IGSF11: variants seen among roughly 807,000 people sequenced by gnomAD.
The protein encoded by IGSF11 is immunoglobulin superfamily member 11.
Under a neutral mutation model 41.0 loss-of-function variants are expected in IGSF11, and 22 were observed. The observed-to-expected ratio is 0.54, with a 90% CI of 0.38 to 0.77. The LOEUF is 0.77. IGSF11 is among the 30% of genes least tolerant of loss of function. IGSF11 has a pLI of 0.00. For synonymous variants in IGSF11, 219 were observed against 201.3 expected, an observed-to-expected ratio of 1.09 and a Z score of -0.74; for missense variants, 444 against 530.8, an observed-to-expected ratio of 0.84 and a Z score of 1.61.
At position 119,034,748 on chromosome 3, in the gene IGSF11, C is replaced by G; in HGVS notation, c.-166G>C. 1.5e-6 allele frequency: 2 copies of G among 1,327,172 alleles called. No homozygotes were observed. Among genetic ancestry groups the G allele is most frequent in the Middle Eastern group, 2.9e-4 (1 of 3,464 alleles). 82.2% of individuals were successfully genotyped at this position (1,327,172 alleles called of 1,614,324 possible). Reference sequence around the variant, plus strand: ...GGGACTGTCAGACCCACAGACGAGCCAAGTGCAGCTGCAGCGCCGCCCGGC... The same window carrying G: ...GGGACTGTCAGACCCACAGACGAGCGAAGTGCAGCTGCAGCGCCGCCCGGC... On this transcript the variant is annotated 5_prime_UTR_variant, in exon 1 of 7. Transcript: ENST00000393775.
In IGSF11 at chr3:119,119,060, T is replaced by C. The variant is rs1016503145; in HGVS notation, c.-13-13855A>G. Among the ~76,000 whole-genome samples, 3 of 152,192 alleles carry C rather than the reference T, an allele frequency of 2.0e-5. No individual in the cohort carries two copies. In the East Asian group the frequency reaches 5.8e-4, roughly 29 times the overall value. ...AAAGATTCCAAACTTTCCCACATTTTCCTGTCTTCTTCTGAGCCCTCCAAA... is the reference window on the plus strand; with the variant it reads ...AAAGATTCCAAACTTTCCCACATTTCCCTGTCTTCTTCTGAGCCCTCCAAA... On this transcript the variant is annotated intron_variant, in intron 1 of 7. Transcript: ENST00000425327.
Position 119,056,287 on chromosome 3 carries a change from G to C in IGSF11, c.49+48857C>G, listed in dbSNP as rs910572601. Among the ~76,000 whole-genome samples the C allele has an allele frequency of 3.3e-5, 5 of 152,234 alleles. No homozygotes were observed. The East Asian group carries it at 9.7e-4, about 29-fold the overall frequency. On this transcript the variant is annotated intron_variant, in intron 1 of 6. Transcript: ENST00000354673. ...GACGCAATAAAAAAATGATAAAGGGGATATCACCATCGATTACACAGAAAT... is the reference window on the plus strand; with the variant it reads ...GACGCAATAAAAAAATGATAAAGGGCATATCACCATCGATTACACAGAAAT...
rs908886506 is a variant in IGSF11, at chr3:119,113,091, C to T, written c.-13-7886G>A. Among the ~76,000 whole-genome samples the T allele has an allele frequency of 5.3e-5, 8 of 152,306 alleles. 1 individual carries two copies. The highest frequency in any genetic ancestry group is 3.9e-4 in the East Asian group (2 of 5,174). On this transcript the variant is annotated intron_variant, in intron 1 of 7. Coordinates refer to the IGSF11 transcript ENST00000425327. ...AACAGCAAGAGAGAAGTCTGCCCCA[C>T]GATCCAATTACATCCCACCAGGCAC...
chr3:118,905,763 A>G, intron 4 of IGSF11, 45 bp from the exon 5 acceptor site: 1 of 1,607,486 alleles, frequency 6.2e-7, no homozygotes, highest in South Asian at 1.1e-5. Flanking sequence ...CGGGACTAAT[A>G]GCAAAACCAA....
chr3:119,119,261 A>G (rs1234532829), intron 1 of IGSF11, among the ~76,000 whole-genome samples: 1 of 152,212 alleles, frequency 6.6e-6, no homozygotes, highest in East Asian at 1.9e-4. Flanking sequence ...TAAGGGACTT[A>G]AACTTCCACA....
intron 1 of IGSF11, among the ~76,000 whole-genome samples, chr3:119,066,911 C>T (rs1258079669): frequency 6.6e-6 from 1 of 152,144 alleles, no homozygotes; most frequent in African/African-American, 2.4e-5. Flanking sequence ...GATTCCAATT[C>T]TCTGGCAACA....
rs765034192 is a variant in IGSF11, at chr3:118,905,728, AAAT to A, written c.581-13_581-11del. The A allele has an allele frequency of 8.1e-6, 13 of 1,613,268 alleles. No individual in the cohort carries two copies. Among genetic ancestry groups the A allele is most frequent in the Non-Finnish European group, 1.1e-5 (13 of 1,179,518 alleles). ...GTTCCCTGGACCTGGTCTGTCACAA[AAAT>A]AATAACCGAGTGAGGATTTGGCGGG... On this transcript the variant is annotated splice_polypyrimidine_tract_variant and intron_variant, in intron 4 of 6. Coordinates refer to ENST00000393775, the MANE Select transcript of IGSF11 (RefSeq NM_001015887.3).
intron 1 of IGSF11, among the ~76,000 whole-genome samples, chr3:119,066,826 A>G (rs1467609530): frequency 6.6e-6 from 1 of 152,174 alleles, no homozygotes; most frequent in African/African-American, 2.4e-5. Flanking sequence ...TGCTGTATCC[A>G]TAAAACCTAT....
At chr3:119,104,118 GTC>G (rs2107509024) in intron 1 of IGSF11, among the ~76,000 whole-genome samples, 1 of 152,222 alleles carries the variant, frequency 6.6e-6, no homozygotes, top group East Asian at 1.9e-4. Context: ...GGTCATCTTA[GTC>G]GCCCAATTTC....
chr3:119,013,517 T>A (rs1337467534), intron 1 of IGSF11, among the ~76,000 whole-genome samples: 1 of 152,244 alleles, frequency 6.6e-6, no homozygotes, highest in Non-Finnish European at 1.5e-5. Flanking sequence ...AGCTCCTAAA[T>A]AAGTTTCCCA....
chr3:119,126,790 CTA>C (rs1034641127), intron 1 of IGSF11, among the ~76,000 whole-genome samples: 3 of 151,894 alleles, frequency 2.0e-5, no homozygotes, highest in African/African-American at 7.3e-5. Context: ...AGGGACCTGA[CTA>C]TTGAAAGAAA....
chr3:119,050,513 T>C (rs1042190871), intron 1 of IGSF11, among the ~76,000 whole-genome samples: 15 of 151,642 alleles, frequency 9.9e-5, no homozygotes, highest in Non-Finnish European at 1.9e-4. Flanking sequence ...CTGGAGAGGA[T>C]GTGGAGAAAT....
At chr3:118,942,023 T>C (rs1055617446) in intron 1 of IGSF11, among the ~76,000 whole-genome samples, 22 of 152,210 alleles carry the variant, frequency 1.4e-4, no homozygotes, top group Non-Finnish European at 7.3e-5. Context: ...AGGGAAGTCC[T>C]TGGAGTTACA....
At chr3:119,022,655 C>T in intron 1 of IGSF11, among the ~76,000 whole-genome samples, 1 of 152,006 alleles carries the variant, frequency 6.6e-6, no homozygotes, top group Non-Finnish European at 1.5e-5. Context: ...TACAAAACAC[C>T]TACATACATA....
At chr3:119,073,512 C>T (rs539639803) in intron 1 of IGSF11, among the ~76,000 whole-genome samples, 37 of 152,298 alleles carry the variant, frequency 2.4e-4, no homozygotes, top group East Asian at 7.7e-4. Context: ...TGGGGGGGCT[C>T]GGGCATGGTG....
chr3:119,117,126 C>G lies in IGSF11; in HGVS notation c.-13-11921G>C, dbSNP rs1177621355. Among the ~76,000 whole-genome samples, 4 of 151,722 alleles carry G rather than the reference C, an allele frequency of 2.6e-5. No homozygotes were observed. In the South Asian group the frequency reaches 8.3e-4, roughly 32 times the overall value. ...TCTCTGCTACAATTTCATGGTCTCT[C>G]TTTATGCAATGGGCAGGAAGAACCC... On this transcript the variant is annotated intron_variant, in intron 1 of 7. Transcript: ENST00000425327.
intron 1 of IGSF11, among the ~76,000 whole-genome samples, chr3:119,013,664 G>C (rs1938380614): frequency 6.6e-6 from 1 of 152,194 alleles, no homozygotes; most frequent in Non-Finnish European, 1.5e-5. Context: ...AGAATTTATA[G>C]ACACATATTC....
intron 1 of IGSF11, among the ~76,000 whole-genome samples, chr3:118,946,474 G>A (rs1267566739): frequency 6.6e-6 from 1 of 151,432 alleles, no homozygotes; most frequent in Non-Finnish European, 1.5e-5. Context: ...AGAAGAGGAG[G>A]AAAGAAAGAA....
intron 1 of IGSF11, among the ~76,000 whole-genome samples, chr3:119,132,452 A>G (rs1021856407): frequency 2.0e-5 from 3 of 151,750 alleles, no homozygotes; most frequent in Non-Finnish European, 4.4e-5. Context: ...ACTTTAAACC[A>G]ACAAAGATGA....
Sources: gnomAD v4.1 joint callset for allele counts (sites outside exome capture counted in the v4.1 genomes callset) on GRCh38, gnomAD v4.1.1 for gene constraint, MANE v1.5 for transcripts, NCBI Gene and HGNC (gene_info 2026-07-23, HGNC 2026-07-21) for gene names.